The following AKAP13 variants were observed in gnomAD, a reference collection of about 807,000 sequenced individuals.
AKAP13 encodes the protein A-kinase anchoring protein 13.
In AKAP13, 80 loss-of-function variants were observed where a neutral mutation model predicts 264.5. The ratio of observed to expected loss-of-function variants is 0.30; its 90% confidence interval spans 0.25 to 0.36. The LOEUF (loss-of-function observed/expected upper bound fraction) is 0.36. AKAP13 is among the 10% of genes least tolerant of loss of function. The pLI is 1.00. For synonymous variants in AKAP13, 1,380 were observed against 1,250.2 expected (o/e 1.10, Z -2.19); for missense variants, 3,712 against 3,435.2 (o/e 1.08, Z -2.01).
At chr15:85,382,040 C>T (rs1313951014) in intron 1 of AKAP13, 4 of 152,228 alleles carry the variant, frequency 2.6e-5, no homozygotes, top group Admixed American at 2.0e-4. Context: ...GCATTAAGTA[C>T]AAGTTTTGTC....
At chr15:85,520,045 C>T (rs1224433579) in intron 2 of AKAP13, among the ~76,000 whole-genome samples, 1 of 152,056 alleles carries the variant, frequency 6.6e-6, no homozygotes, top group Non-Finnish European at 1.5e-5. Context: ...AATCTCAGTG[C>T]TTTAAACCTT....
At chr15:85,385,007 T>G (rs1037678659) in intron 1 of AKAP13, among the ~76,000 whole-genome samples, 3 of 152,200 alleles carry the variant, frequency 2.0e-5, no homozygotes, top group Non-Finnish European at 4.4e-5. Context: ...GGTGCTAGTA[T>G]GGGAGAGAAG....
At chr15:85,729,837 G>A (rs1483468872) in intron 29 of AKAP13, among the ~76,000 whole-genome samples, 1 of 152,206 alleles carries the variant, frequency 6.6e-6, no homozygotes, top group Non-Finnish European at 1.5e-5. Context: ...TTAGGAGGCT[G>A]AGGCAGGAGA....
At chr15:85,629,698 G>T (rs1031224694) in intron 8 of AKAP13, among the ~76,000 whole-genome samples, 4 of 147,068 alleles carry the variant, frequency 2.7e-5, no homozygotes, top group Non-Finnish European at 6.0e-5. Context: ...ATGTAAAAAG[G>T]TCAAATCTAT....
intron 1 of AKAP13, among the ~76,000 whole-genome samples, chr15:85,383,874 G>A (rs1180616160): frequency 6.6e-6 from 1 of 152,232 alleles, no homozygotes; most frequent in South Asian, 2.1e-4. Flanking sequence ...TTAAGGTAGA[G>A]CTGGACTGGG....
At chr15:85,617,732 A>C (rs923300057) in intron 8 of AKAP13, among the ~76,000 whole-genome samples, 3 of 152,228 alleles carry the variant, frequency 2.0e-5, no homozygotes, top group African/African-American at 7.2e-5. Flanking sequence ...TCTACATTCT[A>C]GCTTGGTGAA....
chr15:85,451,548 T>C (rs564451303), intron 1 of AKAP13, among the ~76,000 whole-genome samples: 1 of 152,352 alleles, frequency 6.6e-6, no homozygotes, highest in East Asian at 1.9e-4. Flanking sequence ...TTTCAAGATA[T>C]CTTTTAAGGG....
At chr15:85,439,826 G>T (rs1425618944) in intron 1 of AKAP13, among the ~76,000 whole-genome samples, 1 of 105,298 alleles carries the variant, frequency 9.5e-6, no homozygotes, top group Non-Finnish European at 1.9e-5. Context: ...GTGGTGGGGT[G>T]GGGGGAGGGG....
In AKAP13 at chr15:85,735,157, G is replaced by A. The variant is rs373329853; in HGVS notation, c.7441+7G>A. The A allele has an allele frequency of 2.1e-5, 34 of 1,612,392 alleles. No individual in the cohort carries two copies. In the African/African-American group the frequency reaches 4.4e-4, roughly 21 times the overall value. On this transcript the variant is annotated splice_region_variant and intron_variant, in intron 31 of 36. Coordinates refer to ENST00000394518, the MANE Select transcript of AKAP13 (RefSeq NM_007200.5). ...CAGATGAATGCTTCAAAAGGTAAAT[G>A]ATGTGAAGTCATGAGCTTTTATAGG...
At chr15:85,520,477 A>G (rs1266952074) in intron 2 of AKAP13, among the ~76,000 whole-genome samples, 1 of 147,158 alleles carries the variant, frequency 6.8e-6, no homozygotes, top group Non-Finnish European at 1.5e-5. Context: ...CAGCCTGGGC[A>G]ACAAGAGGGA....
At chr15:85,693,489 C>A in intron 17 of AKAP13, 38 bp downstream of exon 17, 1 of 1,598,668 alleles carries the variant, frequency 6.3e-7, no homozygotes, top group Non-Finnish European at 8.5e-7. Context: ...AGATGGAACT[C>A]TCTTGGCTCA....
intron 12 of AKAP13, among the ~76,000 whole-genome samples, chr15:85,661,636 G>T (rs530316686): frequency 6.6e-6 from 1 of 152,182 alleles, no homozygotes; most frequent in East Asian, 1.9e-4. Flanking sequence ...CAGGAGAATC[G>T]CTTGAACCTG....
intron 2 of AKAP13, among the ~76,000 whole-genome samples, chr15:85,495,844 G>A (rs1449336179): frequency 6.6e-6 from 1 of 152,114 alleles, no homozygotes; most frequent in Non-Finnish European, 1.5e-5. Flanking sequence ...CTTCTGGGAG[G>A]AGGCAAAACA....
intron 5 of AKAP13, among the ~76,000 whole-genome samples, chr15:85,556,731 G>C (rs1489835881): frequency 6.6e-6 from 1 of 152,164 alleles, no homozygotes; most frequent in African/African-American, 2.4e-5. Context: ...CAGGATCTTT[G>C]TACTTGCTGT....
chr15:85,442,526 A>T (rs7496656), intron 1 of AKAP13, among the ~76,000 whole-genome samples: 6 of 110,068 alleles, frequency 5.5e-5, no homozygotes, highest in Non-Finnish European at 9.2e-5. Context: ...ATATTATATT[A>T]TATATAATAT....
intron 8 of AKAP13, among the ~76,000 whole-genome samples, chr15:85,599,852 A>T (rs1213146815): frequency 6.6e-6 from 1 of 152,182 alleles, no homozygotes; most frequent in Admixed American, 6.5e-5. Flanking sequence ...CCTAGGCAAC[A>T]AAGTGAGACC....
chr15:85,474,910 G>A (rs1242258908), intron 1 of AKAP13, among the ~76,000 whole-genome samples: 2 of 152,126 alleles, frequency 1.3e-5, no homozygotes, highest in East Asian at 1.9e-4. Flanking sequence ...TGACTCGTTC[G>A]ATAGTCACAT....
Position 85,522,457 on chromosome 15 carries a change from G to A in AKAP13, c.181+882G>A, listed in dbSNP as rs151173623. Reference sequence around the variant, plus strand: ...AAATCCCAACAAAGTCTGTTCTATTGGTGGAGAGGGATGTACCTGGAAGCC... The same window carrying A: ...AAATCCCAACAAAGTCTGTTCTATTAGTGGAGAGGGATGTACCTGGAAGCC... On this transcript the variant is annotated intron_variant, in intron 3 of 36. Transcript: ENST00000394518. 2.4e-3 allele frequency among the ~76,000 whole-genome samples: 366 copies of A among 152,142 alleles called. 2 individuals carry two copies. Among genetic ancestry groups the A allele is most frequent in the African/African-American group, 8.1e-3 (337 of 41,496 alleles).
chr15:85,578,886 C>T, intron 6 of AKAP13, 44 bp from the exon 7 acceptor site: 1 of 1,572,404 alleles, frequency 6.4e-7, no homozygotes, highest in Non-Finnish European at 8.7e-7. Context: ...GTGACATCTT[C>T]TCCTACAGGC....
Sources: gnomAD v4.1 joint callset for allele counts (sites outside exome capture counted in the v4.1 genomes callset) on GRCh38, gnomAD v4.1.1 for gene constraint, MANE v1.5 for transcripts, NCBI Gene and HGNC (gene_info 2026-07-23, HGNC 2026-07-21) for gene names.